The following ODAD2 variants were observed in gnomAD, a reference collection of about 807,000 sequenced individuals.
ODAD2 encodes the protein outer dynein arm-docking complex subunit 2.
Under a neutral mutation model 106.8 loss-of-function variants are expected in ODAD2, and 89 were observed. That is an observed-to-expected ratio of 0.83 (90% confidence interval 0.70 to 0.99). ODAD2 has a LOEUF of 0.99. Ranked by LOEUF, ODAD2 falls within the 50% of genes least tolerant of loss-of-function variation. ODAD2 has a pLI of 0.00. For synonymous variants in ODAD2, 404 were observed against 436.2 expected (o/e 0.93, Z 0.92); for missense variants, 1,168 against 1,238.5 (o/e 0.94, Z 0.85).
chr10:27,946,947 C>T lies in ODAD2; in HGVS notation c.1387-1985G>A, dbSNP rs368091306. ...CTAGAAATGTCCTCAACAACTGTCC[C>T]GTGAAGATGTCACTGACAATTTCCA... On this transcript the variant is annotated intron_variant, in intron 10 of 19. Transcript: ENST00000305242. 6.6e-5 allele frequency among the ~76,000 whole-genome samples: 10 copies of T among 152,290 alleles called. 1 individual carries two copies. The South Asian group carries it at 1.7e-3, about 25-fold the overall frequency.
intron 16 of ODAD2, among the ~76,000 whole-genome samples, chr10:27,908,472 C>T (rs570948208): frequency 8.6e-4 from 131 of 152,256 alleles, no homozygotes; most frequent in African/African-American, 2.6e-3. Flanking sequence ...AGCATAACCT[C>T]GCAGTAAGGT....
chr10:27,983,623 C>G (rs929241682), intron 6 of ODAD2, among the ~76,000 whole-genome samples: 1 of 152,158 alleles, frequency 6.6e-6, no homozygotes, highest in Non-Finnish European at 1.5e-5. Context: ...CTTTGAAGCC[C>G]ATTTCTTATC....
intron 10 of ODAD2, among the ~76,000 whole-genome samples, chr10:27,950,869 A>T (rs1847282492): frequency 6.6e-6 from 1 of 152,224 alleles, no homozygotes; most frequent in Non-Finnish European, 1.5e-5. Flanking sequence ...TACTAAAAAG[A>T]TTCAGAAGAA....
intron 19 of ODAD2, among the ~76,000 whole-genome samples, chr10:27,823,769 A>T (rs759454797): frequency 6.6e-6 from 1 of 152,196 alleles, no homozygotes; most frequent in Admixed American, 6.5e-5. Context: ...TAATACATTA[A>T]CATAAGGTTC....
rs1369529917 is a variant in ODAD2 at position 27,889,746 on chromosome 10, CAGT to C, written c.2610+17914_2610+17916del. Among the ~76,000 whole-genome samples, 6 of 152,318 alleles carry C rather than the reference CAGT, an allele frequency of 3.9e-5. No homozygotes were observed. The East Asian group carries it at 1.2e-3, about 29-fold the overall frequency. On this transcript the variant is annotated intron_variant, in intron 17 of 19. Coordinates refer to ENST00000305242, the MANE Select transcript of ODAD2 (RefSeq NM_018076.5). Reference sequence around the variant, plus strand: ...GCAGCTCTGCAATTATGCATTCTCACAGTAGAACAGTCTCACGGTTAAGCAGCC... The same window carrying C: ...GCAGCTCTGCAATTATGCATTCTCACAGAACAGTCTCACGGTTAAGCAGCC...
At chr10:27,987,275 T>C in intron 3 of ODAD2, 111 bp downstream of exon 3, 8 of 950,798 alleles carry the variant, frequency 8.4e-6, no homozygotes, top group Non-Finnish European at 1.2e-5. Flanking sequence ...CCTTGTAGAT[T>C]GTAGAATCTT....
At chr10:27,918,845 A>G (rs1284694104) in intron 16 of ODAD2, among the ~76,000 whole-genome samples, 1 of 151,832 alleles carries the variant, frequency 6.6e-6, no homozygotes, top group East Asian at 1.9e-4. Flanking sequence ...TTGCCAGCAT[A>G]CATAAAGGTA....
At chr10:27,923,990 GAA>G (rs1379005684) in intron 16 of ODAD2, among the ~76,000 whole-genome samples, 43 of 133,010 alleles carry the variant, frequency 3.2e-4, no homozygotes, top group Admixed American at 6.2e-4. Context: ...AAGAAAGAAA[GAA>G]AGAAAGAAAG....
chr10:27,821,723 T>A (rs1291383247), intron 19 of ODAD2, among the ~76,000 whole-genome samples: 1 of 152,220 alleles, frequency 6.6e-6, no homozygotes, highest in African/African-American at 2.4e-5. Context: ...AACTACAAAT[T>A]TGGTACAAGT....
intron 10 of ODAD2, among the ~76,000 whole-genome samples, chr10:27,951,156 T>C (rs1056592656): frequency 1.3e-5 from 2 of 152,286 alleles, no homozygotes; most frequent in Middle Eastern, 3.4e-3. Context: ...GCCTGAACTA[T>C]TGGAATTCAA....
chr10:27,857,522 T>C (rs1839743697), intron 19 of ODAD2, among the ~76,000 whole-genome samples: 1 of 152,222 alleles, frequency 6.6e-6, no homozygotes, highest in Non-Finnish European at 1.5e-5. Context: ...CTGTTTCCTT[T>C]TATCTTTTCT....
In ODAD2 at chr10:27,940,672, T is replaced by C. The variant is rs1846346723; in HGVS notation, c.1877A>G (p.Glu626Gly). ...WSCSKSHTNK[E>G]AIRKAGGIPL... Reference sequence around the variant, plus strand: ...AATGCCCCCAGCTTTGCGGATGGCTTCTTTATTCGTATGACTCTTACTGCA... The same window carrying C: ...AATGCCCCCAGCTTTGCGGATGGCTCCTTTATTCGTATGACTCTTACTGCA... Residue 626 changes from glutamate to glycine, a missense_variant, in exon 13 of 20, where the codon GAA (glutamate) becomes GGA (glycine). Glu to Gly is a moderately conservative substitution (Grantham distance 98). This residue lies in a region of ODAD2 where 701 missense variants were observed against 712.3 expected (regional missense o/e 0.98). Transcript: ENST00000305242. 6.2e-7 allele frequency: 1 copy of C among 1,613,998 alleles called. No individual in the cohort carries two copies. Among genetic ancestry groups the C allele is most frequent in the African/African-American group, 1.3e-5 (1 of 74,918 alleles).
intron 14 of ODAD2, among the ~76,000 whole-genome samples, chr10:27,938,661 G>A (rs1397476944): frequency 1.3e-5 from 2 of 149,874 alleles, no homozygotes; most frequent in Non-Finnish European, 3.0e-5. Flanking sequence ...GTCCAGTGGC[G>A]CGATCTTGGC....
chr10:27,891,500 T>C (rs572499364), intron 17 of ODAD2, among the ~76,000 whole-genome samples: 190 of 152,188 alleles, frequency 1.2e-3, no homozygotes, highest in Non-Finnish European at 2.4e-3. Flanking sequence ...GGAAGACATA[T>C]TGAGTTTTCT....
chr10:27,877,362 A>G (rs1841409712), intron 17 of ODAD2, among the ~76,000 whole-genome samples: 1 of 152,166 alleles, frequency 6.6e-6, no homozygotes, highest in South Asian at 2.1e-4. Flanking sequence ...GGTGCATGGT[A>G]TGAGATACCA....
At chr10:27,908,755 C>T (rs1843774230) in intron 16 of ODAD2, among the ~76,000 whole-genome samples, 1 of 104,978 alleles carries the variant, frequency 9.5e-6, no homozygotes, top group South Asian at 3.5e-4. Context: ...GATGAGTTTA[C>T]CAGGGGGGAA....
intron 17 of ODAD2, among the ~76,000 whole-genome samples, chr10:27,902,919 A>G (rs1265433991): frequency 6.6e-6 from 1 of 152,162 alleles, no homozygotes; most frequent in Non-Finnish European, 1.5e-5. Context: ...AGCAACAGAA[A>G]AAGAGGGACT....
chr10:27,930,126 T>A (rs1845511668), intron 16 of ODAD2, among the ~76,000 whole-genome samples: 1 of 152,104 alleles, frequency 6.6e-6, no homozygotes, highest in African/African-American at 2.4e-5. Flanking sequence ...TTTAGTTGTG[T>A]TTATTATATT....
chr10:27,985,926 A>G (rs7093744), intron 3 of ODAD2, among the ~76,000 whole-genome samples: 2,136 of 152,250 alleles, frequency 0.014, 56 homozygotes, highest in African/African-American at 0.049. Context: ...ATATGGTTGA[A>G]AATGAAGGAG....
Sources: gnomAD v4.1 joint callset for allele counts (sites outside exome capture counted in the v4.1 genomes callset) on GRCh38, gnomAD v4.1.1 for gene constraint, gnomAD v4.1.1 regional missense constraint, MANE v1.5 for transcripts, NCBI Gene and HGNC (gene_info 2026-07-23, HGNC 2026-07-21) for gene names.